DGKI: variants seen among roughly 807,000 people sequenced by gnomAD.
The protein encoded by DGKI is DAG kinase iota.
A neutral mutation model predicts 147.5 loss-of-function variants in DGKI; 55 were observed. The observed-to-expected ratio is 0.37, with a 90% CI of 0.30 to 0.47. The LOEUF is 0.47. DGKI is among the 20% of genes least tolerant of loss of function. The pLI is 1.00. For synonymous variants in DGKI, 469 were observed against 477.1 expected (o/e 0.98, Z 0.22); for missense variants, 1,007 against 1,323.8 (o/e 0.76, Z 3.71).
intron 21 of DGKI, among the ~76,000 whole-genome samples, chr7:137,502,739 A>G (rs911768791): frequency 6.6e-6 from 1 of 152,116 alleles, no homozygotes; most frequent in African/African-American, 2.4e-5. Flanking sequence ...CAACCACTAA[A>G]ACGGAACACC....
intron 1 of DGKI, among the ~76,000 whole-genome samples, chr7:137,730,087 A>C (rs940609971): frequency 2.0e-5 from 3 of 152,078 alleles, no homozygotes; most frequent in African/African-American, 7.2e-5. Flanking sequence ...AGAGCTTTCG[A>C]GCTTTCTCCT....
intron 28 of DGKI, among the ~76,000 whole-genome samples, chr7:137,426,364 C>A (rs1395228464): frequency 6.6e-6 from 1 of 152,086 alleles, no homozygotes; most frequent in Non-Finnish European, 1.5e-5. Flanking sequence ...GATTTTGTCA[C>A]CAGCAGGCCT....
intron 27 of DGKI, among the ~76,000 whole-genome samples, chr7:137,458,469 C>T (rs1814292472): frequency 6.6e-6 from 1 of 152,108 alleles, no homozygotes; most frequent in African/African-American, 2.4e-5. Flanking sequence ...AGAAAAAGTA[C>T]AACTCTTTCA....
chr7:137,437,382 A>G (rs1813325565), intron 28 of DGKI, among the ~76,000 whole-genome samples: 1 of 152,198 alleles, frequency 6.6e-6, no homozygotes. Flanking sequence ...ACATAATTTT[A>G]AAAATACAAC....
intron 24 of DGKI, 98 bp from the exon 25 acceptor site, chr7:137,467,040 T>C (rs1563036136): frequency 4.3e-6 from 5 of 1,159,190 alleles, no homozygotes; most frequent in African/African-American, 1.5e-5. Context: ...AACCCCTACA[T>C]GGCAGTCATG....
chr7:137,529,500 G>GT lies in DGKI; in HGVS notation c.2148-7535dup, dbSNP rs368846149. On this transcript the variant is annotated intron_variant, in intron 20 of 32. Coordinates refer to ENST00000614521, the MANE Select transcript of DGKI (RefSeq NM_001321708.2). ...TTCTAGAGTGTGTTTTCTGTTCAGT[G>GT]TCGTGTTCATGGTATTTAAAGGGAA... Among the ~76,000 whole-genome samples, 681 of 152,258 alleles carry GT rather than the reference G, an allele frequency of 4.5e-3. 7 individuals carry two copies. The highest frequency in any genetic ancestry group is 0.016 in the African/African-American group (648 of 41,548).
rs557014412 is a variant in DGKI at position 137,388,410 on chromosome 7, C to A, written c.*2810G>T. 2 of 152,264 alleles carry A rather than the reference C, an allele frequency of 1.3e-5. No individual in the cohort carries two copies. The highest frequency in any genetic ancestry group is 3.9e-4 in the East Asian group (2 of 5,186). 9.4% of individuals were successfully genotyped at this position (152,264 alleles called of 1,614,324 possible). A position where few individuals can be genotyped will look rare whatever the true frequency, so the allele number is the denominator to read the frequency against. On this transcript the variant is annotated 3_prime_UTR_variant, in exon 33 of 33. Coordinates refer to ENST00000614521, the MANE Select transcript of DGKI (RefSeq NM_001321708.2). ...CAGTGCCATGACACAAAGAAACAAA[C>A]ACAGAGGAGTCAGCCAAGCTAGCTG...
At chr7:137,638,464 G>GTATATATATATACACACATATATA (rs1299412339) in intron 6 of DGKI, among the ~76,000 whole-genome samples, 2 of 92,864 alleles carry the variant, frequency 2.2e-5, no homozygotes, top group African/African-American at 1.3e-4. Flanking sequence ...ATATATATGT[G>GTATATATATATACACACATATATA]TGTATATATG....
chr7:137,488,688 G>A (rs1174600126), intron 21 of DGKI, among the ~76,000 whole-genome samples: 1 of 152,122 alleles, frequency 6.6e-6, no homozygotes. Context: ...CTCATTGAGT[G>A]TATATTTAAA....
At chr7:137,561,554 A>G (rs181884309) in intron 19 of DGKI, among the ~76,000 whole-genome samples, 6 of 152,352 alleles carry the variant, frequency 3.9e-5, no homozygotes, top group Admixed American at 3.3e-4. Flanking sequence ...TCAAAAAACT[A>G]GGAGGAGGAT....
Position 137,381,961 on chromosome 7 carries a change from A to C in DGKI, c.*9259T>G, listed in dbSNP as rs1377311618. Reference sequence around the variant, plus strand: ...TATGCTTGTATGTAATTAGAGTCTCAATCCAACCAATGATGGGTGGGGAGA... The same window carrying C: ...TATGCTTGTATGTAATTAGAGTCTCCATCCAACCAATGATGGGTGGGGAGA... On this transcript the variant is annotated 3_prime_UTR_variant, in exon 33 of 33. Transcript: ENST00000614521. The C allele has an allele frequency of 1.3e-5, 2 of 152,092 alleles. No homozygotes were observed. Among genetic ancestry groups the C allele is most frequent in the Non-Finnish European group, 2.9e-5 (2 of 67,988 alleles). The allele number at this position is 152,092 out of a possible 1,614,324, so 9.4% of individuals were successfully genotyped here.
chr7:137,478,294 T>C (rs368733507), intron 23 of DGKI, among the ~76,000 whole-genome samples: 1 of 152,192 alleles, frequency 6.6e-6, no homozygotes, highest in Non-Finnish European at 1.5e-5. Flanking sequence ...ATTCACAATT[T>C]ACCGCGATAG....
At chr7:137,708,572 T>C (rs973578529) in intron 1 of DGKI, among the ~76,000 whole-genome samples, 5 of 152,258 alleles carry the variant, frequency 3.3e-5, no homozygotes, top group African/African-American at 1.2e-4. Context: ...AAATGGGTTT[T>C]AGAATCAGAC....
chr7:137,620,335 A>G (rs551567290), intron 7 of DGKI, among the ~76,000 whole-genome samples: 1 of 152,322 alleles, frequency 6.6e-6, no homozygotes, highest in South Asian at 2.1e-4. Context: ...CAAAATGTTC[A>G]CATACACTTC....
chr7:137,702,172 A>G (rs1209881291), intron 1 of DGKI, among the ~76,000 whole-genome samples: 2 of 152,236 alleles, frequency 1.3e-5, no homozygotes, highest in Non-Finnish European at 2.9e-5. Flanking sequence ...ATAGAAACCT[A>G]AAAGTTAAAA....
At chr7:137,465,058 C>T (rs1814601931) in intron 26 of DGKI, among the ~76,000 whole-genome samples, 1 of 152,192 alleles carries the variant, frequency 6.6e-6, no homozygotes, top group Admixed American at 6.5e-5. Context: ...CTTAGAAATA[C>T]TAATTATGTT....
intron 28 of DGKI, among the ~76,000 whole-genome samples, chr7:137,419,050 G>C (rs940984904): frequency 6.6e-6 from 1 of 152,170 alleles, no homozygotes; most frequent in African/African-American, 2.4e-5. Flanking sequence ...TAGCAATCCA[G>C]CTGAGAGACA....
At chr7:137,428,957 C>T (rs903148664) in intron 28 of DGKI, among the ~76,000 whole-genome samples, 25 of 152,210 alleles carry the variant, frequency 1.6e-4, no homozygotes, top group African/African-American at 5.3e-4. Flanking sequence ...GAATCAATAT[C>T]GTGAAAATGG....
intron 12 of DGKI, among the ~76,000 whole-genome samples, chr7:137,589,659 G>A (rs192987554): frequency 7.9e-5 from 12 of 152,266 alleles, no homozygotes; most frequent in Non-Finnish European, 1.5e-5. Context: ...GGGTCTTAAA[G>A]GCCATAAAAA....
Sources: gnomAD v4.1 joint callset for allele counts (sites outside exome capture counted in the v4.1 genomes callset) on GRCh38, gnomAD v4.1.1 for gene constraint, MANE v1.5 for transcripts, NCBI Gene and HGNC (gene_info 2026-07-23, HGNC 2026-07-21) for gene names.